The following GET1 variants were observed in gnomAD, a reference collection of about 807,000 sequenced individuals.
GET1 encodes the protein guided entry of tail-anchored proteins factor 1, also known as congenital heart disease 5 protein.
A neutral mutation model predicts 22.6 loss-of-function variants in GET1; 20 were observed. The observed-to-expected ratio is 0.89, with a 90% CI of 0.62 to 1.29. GET1 has a LOEUF of 1.29. Ranked by LOEUF, GET1 falls within the 50% of genes most tolerant of loss-of-function variation. The probability of loss-of-function intolerance (pLI) is 0.00; values close to 1 mark genes in which losing one functional copy is unlikely to be tolerated. For synonymous variants in GET1, 92 were observed against 83.8 expected (o/e 1.10, Z -0.53); for missense variants, 209 against 219.9 (o/e 0.95, Z 0.31).
In GET1 at chr21:39,405,621, T is replaced by C. The variant is rs1030270135; in HGVS notation, c.350-293T>C. 4.6e-5 allele frequency among the ~76,000 whole-genome samples: 7 copies of C among 152,302 alleles called. No individual in the cohort carries two copies. In the East Asian group the frequency reaches 9.6e-4, roughly 21 times the overall value. On this transcript the variant is annotated intron_variant, in intron 4 of 4. Coordinates refer to the GET1 transcript ENST00000415847. Reference sequence around the variant, plus strand: ...GGAGTCCCACAGAATACTAAAACCATATAGTAAACCAGTCTTCCAGAAGAT... The same window carrying C: ...GGAGTCCCACAGAATACTAAAACCACATAGTAAACCAGTCTTCCAGAAGAT...
At chr21:39,387,877 G>T in intron 1 of GET1, 1 of 973,336 alleles carries the variant, frequency 1.0e-6, no homozygotes, top group Non-Finnish European at 1.2e-6. Flanking sequence ...GGGGGAGGGG[G>T]GGGGATCTGA....
intron 1 of GET1, chr21:39,427,843 T>C: frequency 5.9e-6 from 1 of 170,252 alleles, no homozygotes; most frequent in South Asian, 1.8e-4. Context: ...TCAGCTGAGA[T>C]GAAAGGCAAG....
intron 1 of GET1, chr21:39,386,379 A>G (rs2037903031): frequency 6.6e-6 from 1 of 152,212 alleles, no homozygotes; most frequent in Admixed American, 6.5e-5. Context: ...CCTACCCCAG[A>G]ATCCTGTGAC....
At chr21:39,391,201 C>T (rs2038272983) in intron 2 of GET1, 1 of 236,296 alleles carries the variant, frequency 4.2e-6, no homozygotes, top group Admixed American at 5.1e-5. Context: ...CAGTGGATTC[C>T]CAGAGGCTTT....
At chr21:39,391,425 G>A in intron 2 of GET1, 1 of 289,184 alleles carries the variant, frequency 3.5e-6, no homozygotes, top group Non-Finnish European at 6.5e-6. Flanking sequence ...TCCCACCAGG[G>A]GTTCGTGTAC....
At position 39,393,232 on chromosome 21, in the gene GET1, T is replaced by C; in HGVS notation, c.403T>C (p.Trp135Arg). 1.2e-6 allele frequency: 2 copies of C among 1,614,156 alleles called. No individual in the cohort carries two copies. The highest frequency in any genetic ancestry group is 2.2e-5 in the East Asian group (1 of 44,888). ...CCCTGTGGCTGTCGTGCCGAGTAAA[T>C]GGATAACCCCTCTAGACCGCCTGGT... ...SVPVAVVPSK[W>R]ITPLDRLVAF... Residue 135 changes from tryptophan (W) to arginine (R), a missense_variant, in exon 4 of 5, where the codon TGG (tryptophan) becomes CGG (arginine). Trp to Arg is a moderately radical substitution (Grantham distance 101). Coordinates refer to ENST00000649170, the MANE Select transcript of GET1 (RefSeq NM_004627.6).
downstream of GET1, chr21:39,397,980 CAA>C (rs1281242650): frequency 2.6e-5 from 4 of 152,312 alleles, no homozygotes; most frequent in African/African-American, 9.6e-5. Flanking sequence ...TGTGAGAAGA[CAA>C]AGTGCTGTGG....
chr21:39,391,102 T>A, intron 2 of GET1: 1 of 330,778 alleles, frequency 3.0e-6, no homozygotes, highest in Non-Finnish European at 5.5e-6. Flanking sequence ...GAGCCAACTC[T>A]TTAAAATTTT....
rs1453241008 is a variant in GET1 at position 39,380,334 on chromosome 21, G to A, written c.-51G>A. 1 of 1,553,770 alleles carries A rather than the reference G, an allele frequency of 6.4e-7. No individual in the cohort carries two copies. The highest frequency in any genetic ancestry group is 2.4e-5 in the East Asian group (1 of 41,540). On this transcript the variant is annotated 5_prime_UTR_variant, in exon 1 of 5. Coordinates refer to ENST00000649170, the MANE Select transcript of GET1 (RefSeq NM_004627.6). ...CAGGCGCGGTCGCCGCTGTTGTTGTGGTCCCCATGGAGCTGCCGTAGCGGA... is the reference window on the plus strand; with the variant it reads ...CAGGCGCGGTCGCCGCTGTTGTTGTAGTCCCCATGGAGCTGCCGTAGCGGA...
At chr21:39,424,610 T>TA in intron 1 of GET1, among the ~76,000 whole-genome samples, 1 of 152,308 alleles carries the variant, frequency 6.6e-6, no homozygotes, top group East Asian at 1.9e-4. Context: ...TATGGGTAAT[T>TA]AGAGTATAAC....
chr21:39,397,601 G>A lies in GET1; in HGVS notation c.*662G>A, dbSNP rs1279206723. Reference sequence around the variant, plus strand: ...GCTCAACTTGTGTTTTGTATTTAAAGCATTTTGAATGAAGTGTATTTTATA... The same window carrying A: ...GCTCAACTTGTGTTTTGTATTTAAAACATTTTGAATGAAGTGTATTTTATA... On this transcript the variant is annotated 3_prime_UTR_variant, in exon 5 of 5. Transcript: ENST00000649170. 3 of 152,188 alleles carry A rather than the reference G, an allele frequency of 2.0e-5. No individual in the cohort carries two copies. The highest frequency in any genetic ancestry group is 2.0e-4 in the Admixed American group (3 of 15,272). The allele number at this position is 152,188 out of a possible 1,614,324, so 9.4% of individuals were successfully genotyped here. A position where few individuals can be genotyped will look rare whatever the true frequency, so the allele number is the denominator to read the frequency against.
rs1478382164 is a variant in GET1 at position 39,392,978 on chromosome 21, A to G, written c.337-188A>G. 9.3e-6 allele frequency: 5 copies of G among 537,908 alleles called. No individual in the cohort carries two copies. In the East Asian group the frequency reaches 1.5e-4, roughly 16 times the overall value. The allele number at this position is 537,908 out of a possible 1,614,324, so 33.3% of individuals were successfully genotyped here. On this transcript the variant is annotated intron_variant, in intron 3 of 4. Transcript: ENST00000649170. ...GTCTTTAATTTGACTTTCTCATTCA[A>G]GGTTTCACCAAGGGACATTAGTGGC...
At chr21:39,385,152 G>C (rs1363648272) in intron 1 of GET1, among the ~76,000 whole-genome samples, 3 of 152,136 alleles carry the variant, frequency 2.0e-5, no homozygotes, top group Non-Finnish European at 2.9e-5. Flanking sequence ...AGTCGAATTG[G>C]GAAAACAGTG....
At chr21:39,405,861 G>A in intron 4 of GET1, 1 of 1,501,376 alleles carries the variant, frequency 6.7e-7, no homozygotes, top group South Asian at 1.2e-5. Context: ...AAACCAGAAT[G>A]CATTAGGATA....
rs1379749807 is a variant in GET1, at chr21:39,393,152, A to G, written c.337-14A>G. On this transcript the variant is annotated splice_polypyrimidine_tract_variant and intron_variant, in intron 3 of 4. Coordinates refer to ENST00000649170, the MANE Select transcript of GET1 (RefSeq NM_004627.6). ...ATTGGCAGGCTGCTTTGCTCACCAGAGGTGTCTTTACAGGCTGCCCTGATG... is the reference window on the plus strand; with the variant it reads ...ATTGGCAGGCTGCTTTGCTCACCAGGGGTGTCTTTACAGGCTGCCCTGATG... The G allele has an allele frequency of 6.2e-7, 1 of 1,609,388 alleles. No individual in the cohort carries two copies. The highest frequency in any genetic ancestry group is 1.3e-5 in the African/African-American group (1 of 74,786).
chr21:39,399,044 A>G (rs2038774078), downstream of GET1, among the ~76,000 whole-genome samples: 2 of 152,198 alleles, frequency 1.3e-5, no homozygotes, highest in African/African-American at 2.4e-5. Context: ...CCGGCCTGCC[A>G]TTTGTTTTAA....
In GET1 at chr21:39,380,388, A is replaced by C. The variant is rs968322968; in HGVS notation, c.4A>C (p.Ser2Arg). ...AGCACAGCCAGGAGCGTCCGGGATG[A>C]GCTCAGCCGCGGCCGACCACTGGGC... M[S>R]SAAADHWAWL... The change falls in exon 1 of 5, where the codon AGC (serine) becomes CGC (arginine). Residue 2 changes from serine (S) to arginine (R), a missense_variant. Ser to Arg is a moderately radical substitution (Grantham distance 110). Coordinates refer to ENST00000649170, the MANE Select transcript of GET1 (RefSeq NM_004627.6). 12 of 1,604,936 alleles carry C rather than the reference A, an allele frequency of 7.5e-6. No homozygotes were observed. The highest frequency in any genetic ancestry group is 2.2e-5 in the East Asian group (1 of 44,616).
chr21:39,414,321 G>A (rs555594587), intron 1 of GET1: 1 of 152,310 alleles, frequency 6.6e-6, no homozygotes, highest in Non-Finnish European at 1.5e-5. Context: ...TGTAAGACGG[G>A]TGGCAGTACC....
At chr21:39,406,522 T>G in exon 5 of GET1, 1 of 1,613,320 alleles carries the variant, frequency 6.2e-7, no homozygotes, top group South Asian at 1.1e-5. Flanking sequence ...AAAAATGTTT[T>G]TCTTTTCTTG....
Sources: gnomAD v4.1 joint callset for allele counts (sites outside exome capture counted in the v4.1 genomes callset) on GRCh38, gnomAD v4.1.1 for gene constraint, MANE v1.5 for transcripts, NCBI Gene and HGNC (gene_info 2026-07-23, HGNC 2026-07-21) for gene names.